The following ZPBP variants were observed in gnomAD, a reference collection of about 807,000 sequenced individuals.
The protein encoded by ZPBP is zona pellucida-binding protein 1.
ZPBP carries 26 observed loss-of-function variants against 44.8 expected under a neutral mutation model. That is an observed-to-expected ratio of 0.58 (90% CI 0.43 to 0.81). The LOEUF is 0.81. Ranked by LOEUF, ZPBP falls within the 30% of genes least tolerant of loss-of-function variation. ZPBP has a pLI of 0.00. For missense variants in ZPBP, 409 were observed against 434.0 expected (o/e 0.94, Z 0.51); for synonymous variants, 174 against 153.2 (o/e 1.14, Z -1.00).
At chr7:50,026,964 T>C (rs969442596) in intron 5 of ZPBP, among the ~76,000 whole-genome samples, 1 of 151,980 alleles carries the variant, frequency 6.6e-6, no homozygotes, top group Non-Finnish European at 1.5e-5. Flanking sequence ...AGTCAACCTT[T>C]CAATAGACAG....
chr7:49,944,226 C>T (rs1795005582), intron 7 of ZPBP: 1 of 358,654 alleles, frequency 2.8e-6, no homozygotes, highest in South Asian at 2.7e-5. Context: ...TGCACTTTTG[C>T]CACTGTGCCA....
intron 2 of ZPBP, among the ~76,000 whole-genome samples, chr7:49,854,185 G>A (rs140221731): frequency 0.028 from 4,207 of 152,246 alleles, 163 homozygotes; most frequent in South Asian, 0.12. Flanking sequence ...ACATGTGCAC[G>A]TGTCTTTATA....
intron 2 of ZPBP, among the ~76,000 whole-genome samples, chr7:49,857,251 T>C (rs1790463945): frequency 6.6e-6 from 1 of 152,196 alleles, no homozygotes; most frequent in African/African-American, 2.4e-5. Context: ...GTTTAGCTCC[T>C]CTAGCGACTT....
intron 3 of ZPBP, among the ~76,000 whole-genome samples, chr7:50,068,523 C>G (rs1412033799): frequency 6.6e-6 from 1 of 151,986 alleles, no homozygotes; most frequent in Non-Finnish European, 1.5e-5. Flanking sequence ...CTAGCCTCAG[C>G]CGGCTTTCAA....
At chr7:49,983,716 A>C (rs1483237146) in intron 6 of ZPBP, among the ~76,000 whole-genome samples, 197 bp from the exon 7 acceptor site, 1 of 152,098 alleles carries the variant, frequency 6.6e-6, no homozygotes, top group Non-Finnish European at 1.5e-5. Flanking sequence ...TTCTAAATGC[A>C]CTTCCAATTA....
intron 3 of ZPBP, among the ~76,000 whole-genome samples, chr7:50,074,170 TTC>T (rs1236957964): frequency 1.1e-4 from 17 of 152,222 alleles, no homozygotes; most frequent in African/African-American, 4.1e-4. Flanking sequence ...TTTATTAGTT[TTC>T]TTTTTGTTTG....
At chr7:49,912,123 G>A in intron 1 of ZPBP, 1 of 1,614,116 alleles carries the variant, frequency 6.2e-7, no homozygotes, top group Non-Finnish European at 8.5e-7. Flanking sequence ...TACTTATGAG[G>A]AAGGCACATG....
intron 4 of ZPBP, among the ~76,000 whole-genome samples, chr7:50,040,988 T>C (rs1332799005): frequency 2.6e-5 from 4 of 152,138 alleles, no homozygotes; most frequent in African/African-American, 7.2e-5. Flanking sequence ...GCATCTGCCA[T>C]TACTGAGGCT....
intron 2 of ZPBP, among the ~76,000 whole-genome samples, chr7:50,087,169 G>C (rs1042959672): frequency 1.3e-5 from 2 of 151,998 alleles, no homozygotes; most frequent in Non-Finnish European, 2.9e-5. Flanking sequence ...AGATAGAAGA[G>C]GAGGTCATTA....
intron 7 of ZPBP, among the ~76,000 whole-genome samples, chr7:49,946,967 C>T (rs1421663866): frequency 6.6e-6 from 1 of 152,126 alleles, no homozygotes; most frequent in African/African-American, 2.4e-5. Flanking sequence ...CTGATAAATT[C>T]TGCTGTTAAG....
intron 1 of ZPBP, chr7:49,916,191 A>C (rs1793713898): frequency 6.6e-6 from 1 of 151,804 alleles, no homozygotes; most frequent in African/African-American, 2.4e-5. Context: ...TTTTCAACTG[A>C]ATTCTTTGAG....
At chr7:49,848,543 C>A (rs1015152863), downstream of ZPBP, among the ~76,000 whole-genome samples, 2 of 152,232 alleles carry the variant, frequency 1.3e-5, no homozygotes, top group Admixed American at 6.5e-5. Flanking sequence ...TAGCTGTGGT[C>A]TGCTCTCTCG....
intron 1 of ZPBP, among the ~76,000 whole-genome samples, chr7:49,924,054 C>T (rs926122872): frequency 6.6e-5 from 10 of 151,922 alleles, no homozygotes; most frequent in African/African-American, 2.2e-4. Flanking sequence ...ACCGGGGAGG[C>T]GGAGGTTGCA....
rs534252125 is a variant in ZPBP at position 49,971,036 on chromosome 7, C to A, written c.961+12306G>T. Among the ~76,000 whole-genome samples the A allele has an allele frequency of 2.0e-5, 3 of 151,978 alleles. No individual in the cohort carries two copies. The South Asian group carries it at 6.2e-4, about 32-fold the overall frequency. ...TCCAGCCTCACTGACAAGGCAAGAC[C>A]CCATATCAATAAAAAAATTTGAAAA... On this transcript the variant is annotated intron_variant, in intron 7 of 7. Coordinates refer to ENST00000046087, the MANE Select transcript of ZPBP (RefSeq NM_007009.3).
chr7:50,024,518 A>G (rs1312179068), intron 5 of ZPBP, among the ~76,000 whole-genome samples: 1 of 123,856 alleles, frequency 8.1e-6, no homozygotes, highest in Non-Finnish European at 1.7e-5. Flanking sequence ...AGATTCTGCC[A>G]TTTGCCACAA....
At position 50,003,035 on chromosome 7, in the gene ZPBP, A is replaced by T. The variant is rs141319895; in HGVS notation, c.783+15205T>A. Among the ~76,000 whole-genome samples, 693 of 152,334 alleles carry T rather than the reference A, an allele frequency of 4.5e-3. 4 individuals carry two copies. Among genetic ancestry groups the T allele is most frequent in the African/African-American group, 0.016 (673 of 41,566 alleles). On this transcript the variant is annotated intron_variant, in intron 6 of 7. Coordinates refer to ENST00000046087, the MANE Select transcript of ZPBP (RefSeq NM_007009.3). ...AAAACAGAAATTATTCTACAGACAC[A>T]ATTTGCTAATAATTCCCTACTTGTT...
chr7:49,997,253 T>C (rs1014509802), intron 6 of ZPBP, among the ~76,000 whole-genome samples: 3 of 152,194 alleles, frequency 2.0e-5, no homozygotes, highest in Non-Finnish European at 4.4e-5. Flanking sequence ...GCCAGCCATA[T>C]TTTGACCCAT....
chr7:49,841,282 GAA>G, the ZPBP span, among the ~76,000 whole-genome samples: 1 of 150,690 alleles, frequency 6.6e-6, no homozygotes, highest in Non-Finnish European at 1.5e-5. Flanking sequence ...AGTATTTGCT[GAA>G]ACAGCCTAAG....
At chr7:50,000,588 A>G (rs1798048690) in intron 6 of ZPBP, among the ~76,000 whole-genome samples, 1 of 152,184 alleles carries the variant, frequency 6.6e-6, no homozygotes. Flanking sequence ...GTAACTTTGG[A>G]CTGAAAGCAA....
Sources: gnomAD v4.1 joint callset for allele counts (sites outside exome capture counted in the v4.1 genomes callset) on GRCh38, gnomAD v4.1.1 for gene constraint, MANE v1.5 for transcripts, NCBI Gene and HGNC (gene_info 2026-07-23, HGNC 2026-07-21) for gene names.